Variants in PREP observed in about 807,000 individuals in gnomAD.
The protein encoded by PREP is prolyl endopeptidase.
In PREP, 29 loss-of-function variants were observed where a neutral mutation model predicts 87.6. The observed-to-expected ratio is 0.33, with a 90% CI of 0.25 to 0.45. PREP has a LOEUF of 0.45. Among genes scored for constraint, PREP ranks in the 20% least tolerant of loss-of-function variants. The pLI is 1.00. For synonymous variants in PREP, 337 were observed against 328.6 expected (o/e 1.03, Z -0.28); for missense variants, 695 against 886.5 (o/e 0.78, Z 2.74).
chr6:105,384,346 G>A (rs1431750567), intron 2 of PREP, among the ~76,000 whole-genome samples: 1 of 152,204 alleles, frequency 6.6e-6, no homozygotes, highest in African/African-American at 2.4e-5. Context: ...AGGTACCGAA[G>A]GGCAGTGATC....
chr6:105,402,750 T>A, intron 1 of PREP, 97 bp downstream of exon 1: 1 of 1,160,360 alleles, frequency 8.6e-7, no homozygotes, highest in Non-Finnish European at 1.2e-6. Context: ...GACGCGGGGG[T>A]CGAAGGCCTA....
chr6:105,291,832 T>G (rs1163633844), intron 10 of PREP, among the ~76,000 whole-genome samples: 2 of 152,242 alleles, frequency 1.3e-5, no homozygotes, highest in Non-Finnish European at 2.9e-5. Context: ...GTTTTATCAA[T>G]TAAGTTTATG....
At chr6:105,318,278 T>C (rs2114641167) in intron 10 of PREP, among the ~76,000 whole-genome samples, 2 of 152,294 alleles carry the variant, frequency 1.3e-5, no homozygotes, top group Middle Eastern at 6.8e-3. Context: ...AGATAGAGGA[T>C]GCAAGTCACT....
In PREP at chr6:105,278,266, G is replaced by T. The variant is rs375975022; in HGVS notation, c.2011C>A (p.Leu671Ile). 8.6e-5 allele frequency: 139 copies of T among 1,614,140 alleles called. No homozygotes were observed. The highest frequency in any genetic ancestry group is 1.1e-4 in the Non-Finnish European group (135 of 1,180,062). ...GRSRKQSNPLLIHVDTKAGHG... is the reference protein window; with the variant it reads ...GRSRKQSNPLIIHVDTKAGHG... Reference sequence around the variant, plus strand: ...CCCGCCTTGGTGTCCACGTGGATAAGCAGGGGGTTGCTTTGCTTCCTGCTG... The same window carrying T: ...CCCGCCTTGGTGTCCACGTGGATAATCAGGGGGTTGCTTTGCTTCCTGCTG... Residue 671 changes from leucine (L) to isoleucine (I), a missense_variant, in exon 15 of 15, where the codon CTT becomes ATT. By Grantham distance (5) the Leu-to-Ile change is conservative. Around this residue, in one of 5 missense-constraint regions of PREP, gnomAD observed 121 missense variants for 154.8 expected, o/e 0.78. Transcript: ENST00000652536. The surrounding 1 kb of genome is among the most constrained non-coding windows in gnomAD (Gnocchi z 4.2).
At chr6:105,402,794 C>A in intron 1 of PREP, 53 bp downstream of exon 1, 1 of 1,481,578 alleles carries the variant, frequency 6.7e-7, no homozygotes, top group Non-Finnish European at 9.1e-7. Flanking sequence ...ACGGGTCAGG[C>A]AGGCTGGGCA....
chr6:105,372,427 G>T (rs1356570638), intron 5 of PREP, among the ~76,000 whole-genome samples: 3 of 152,110 alleles, frequency 2.0e-5, no homozygotes, highest in African/African-American at 7.2e-5. Context: ...AACATAACAA[G>T]AAAATGCTAC....
intron 1 of PREP, among the ~76,000 whole-genome samples, chr6:105,402,431 C>CACACAA (rs1554213357): frequency 6.6e-6 from 1 of 151,116 alleles, no homozygotes; most frequent in African/African-American, 2.4e-5. Flanking sequence ...CACACACACA[C>CACACAA]ACACACACAC....
At chr6:105,369,157 A>G in intron 5 of PREP, 133 bp from the exon 6 acceptor site, 3 of 853,444 alleles carry the variant, frequency 3.5e-6, no homozygotes, top group Non-Finnish European at 5.3e-6. Context: ...TACAGAAATC[A>G]ATTACTTTCC....
chr6:105,296,439 T>C (rs1290006151), intron 10 of PREP, among the ~76,000 whole-genome samples: 3 of 152,208 alleles, frequency 2.0e-5, no homozygotes, highest in Non-Finnish European at 4.4e-5. Context: ...GGTGTTAATA[T>C]TTATGTACCC....
At chr6:105,345,082 C>T (rs1771761699) in intron 7 of PREP, among the ~76,000 whole-genome samples, 1 of 152,206 alleles carries the variant, frequency 6.6e-6, no homozygotes, top group Non-Finnish European at 1.5e-5. Flanking sequence ...AATTCTTTTG[C>T]TCTCCTGAAA....
chr6:105,325,242 C>T (rs993924162), intron 9 of PREP, among the ~76,000 whole-genome samples: 4 of 152,232 alleles, frequency 2.6e-5, no homozygotes, highest in South Asian at 2.1e-4. Flanking sequence ...AAAAAGACAA[C>T]GTGCAGACCA....
intron 10 of PREP, among the ~76,000 whole-genome samples, chr6:105,308,015 T>G (rs1324795351): frequency 6.6e-6 from 1 of 152,202 alleles, no homozygotes; most frequent in Non-Finnish European, 1.5e-5. Flanking sequence ...TTTAGCATCC[T>G]TTGGTCTCTT....
At chr6:105,379,672 G>A (rs1447546932) in intron 2 of PREP, among the ~76,000 whole-genome samples, 3 of 152,202 alleles carry the variant, frequency 2.0e-5, no homozygotes, top group South Asian at 2.1e-4. Context: ...ATTTTCTTCT[G>A]CATGAACTGG....
In PREP at chr6:105,383,413, G is replaced by A. The variant is rs145909823; in HGVS notation, c.121-5894C>T. ...CACAATGCCATTAACCTCACCACAT[G>A]AAGTGCTTTCTTTTCCTGGCCCACA... On this transcript the variant is annotated intron_variant, in intron 2 of 14. Transcript: ENST00000652536. Among the ~76,000 whole-genome samples the A allele has an allele frequency of 4.9e-3, 742 of 152,238 alleles. 5 individuals carry two copies. The highest frequency in any genetic ancestry group is 8.5e-3 in the Admixed American group (130 of 15,290).
chr6:105,396,393 T>G (rs1773285446), intron 2 of PREP, among the ~76,000 whole-genome samples: 1 of 152,344 alleles, frequency 6.6e-6, no homozygotes, highest in East Asian at 1.9e-4. Flanking sequence ...GAGCCAGTGC[T>G]TGAGACTAAA....
In PREP at chr6:105,281,879, C is replaced by G. The variant is rs1323644016; in HGVS notation, c.1705G>C (p.Asp569His). 6.2e-7 allele frequency: 1 copy of G among 1,613,908 alleles called. No homozygotes were observed. Among genetic ancestry groups the G allele is most frequent in the African/African-American group, 1.3e-5 (1 of 74,910 alleles). Residue 569 changes from aspartate to histidine, a missense_variant, in exon 14 of 15, where the codon GAC becomes CAC. This residue lies in a region of PREP where 20 missense variants were observed against 58.9 expected (regional missense o/e 0.34). Transcript: ENST00000652536. ...TGGGCAATAACACAACCAAAGAGGTCAGGTCTCTGATTTGCACAAGCAGCT... is the reference window on the plus strand; with the variant it reads ...TGGGCAATAACACAACCAAAGAGGTGAGGTCTCTGATTTGCACAAGCAGCT... ...LVAACANQRP[D>H]LFGCVIAQVG... is the part of the protein sequence containing the mutation.
chr6:105,375,994 T>C (rs1583094182), intron 4 of PREP, 131 bp downstream of exon 4: 4 of 1,072,880 alleles, frequency 3.7e-6, no homozygotes, highest in Middle Eastern at 6.6e-4. Flanking sequence ...TTTCCTGATA[T>C]TGTATGTGCA....
chr6:105,353,098 G>A, intron 6 of PREP, 21 bp from the exon 7 acceptor site: 1 of 1,522,446 alleles, frequency 6.6e-7, no homozygotes, highest in Non-Finnish European at 9.1e-7. Flanking sequence ...AAAAAAAATA[G>A]TGCAGGGGAC....
At chr6:105,303,585 T>C (rs1770591003) in intron 10 of PREP, among the ~76,000 whole-genome samples, 1 of 152,044 alleles carries the variant, frequency 6.6e-6, no homozygotes, top group Admixed American at 6.5e-5. Flanking sequence ...CCCTATCCAA[T>C]GCAGACACCC....
Sources: gnomAD v4.1 joint callset for allele counts (sites outside exome capture counted in the v4.1 genomes callset) on GRCh38, gnomAD v4.1.1 for gene constraint, gnomAD v4.1.1 regional missense constraint, Gnocchi (gnomAD v3.1) non-coding constraint, MANE v1.5 for transcripts, NCBI Gene and HGNC (gene_info 2026-07-23, HGNC 2026-07-21) for gene names.